MTRFR: variants seen among roughly 807,000 people sequenced by gnomAD.
The protein encoded by MTRFR is probable peptide chain release factor C12orf65, mitochondrial.
In MTRFR, 10 loss-of-function variants were observed where a neutral mutation model predicts 11.9. That is an observed-to-expected ratio of 0.84 (90% confidence interval 0.52 to 1.42). The LOEUF (loss-of-function observed/expected upper bound fraction) is 1.42. Ranked by LOEUF, MTRFR falls within the 40% of genes most tolerant of loss-of-function variation. The probability of loss-of-function intolerance (pLI) is 0.00; values close to 1 mark genes in which losing one functional copy is unlikely to be tolerated. For missense variants in MTRFR, 196 were observed against 197.9 expected, an observed-to-expected ratio of 0.99 and a Z score of 0.06; for synonymous variants, 77 against 79.1, an observed-to-expected ratio of 0.97 and a Z score of 0.14.
intron 1 of MTRFR, chr12:123,251,193 C>T (rs1030313741): frequency 2.6e-5 from 4 of 152,330 alleles, no homozygotes; most frequent in Non-Finnish European, 5.9e-5. Flanking sequence ...CGTGTTCCCC[C>T]ACAACTGCCC....
chr12:123,254,231 G>A, intron 2 of MTRFR: 1 of 465,382 alleles, frequency 2.1e-6, no homozygotes, highest in Non-Finnish European at 3.9e-6. Context: ...TTGGCAGACA[G>A]CACTGGTGCT....
intron 2 of MTRFR, among the ~76,000 whole-genome samples, chr12:123,256,106 C>CCAT (rs2048179520): frequency 6.6e-6 from 1 of 152,146 alleles, no homozygotes; most frequent in Non-Finnish European, 1.5e-5. Flanking sequence ...AAGGCACTCA[C>CCAT]CCTATAATAA....
At chr12:123,256,193 A>G (rs1052680747) in intron 2 of MTRFR, among the ~76,000 whole-genome samples, 1 of 152,250 alleles carries the variant, frequency 6.6e-6, no homozygotes, top group African/African-American at 2.4e-5. Context: ...ACAGAACTTT[A>G]TGCTTATGAA....
At chr12:123,233,775 C>T (rs889010739) in intron 1 of MTRFR, 11 of 152,396 alleles carry the variant, frequency 7.2e-5, no homozygotes, top group African/African-American at 2.2e-4. Context: ...TTCAGGCACT[C>T]AGGGCAGGGG....
intron 1 of MTRFR, among the ~76,000 whole-genome samples, chr12:123,244,954 T>TTTTTTTG (rs2138768943): frequency 1.4e-5 from 1 of 70,152 alleles, no homozygotes; most frequent in Admixed American, 2.0e-4. Context: ...TTTTTTTTTT[T>TTTTTTTG]TTTTTTAGAC....
rs768967998 is a variant in MTRFR, at chr12:123,253,661, G to A, written c.-14G>A. 6.2e-7 allele frequency: 1 copy of A among 1,614,132 alleles called. No homozygotes were observed. The highest frequency in any genetic ancestry group is 8.5e-7 in the Non-Finnish European group (1 of 1,180,036). On this transcript the variant is annotated 5_prime_UTR_variant, in exon 2 of 3. Coordinates refer to ENST00000253233, the MANE Select transcript of MTRFR (RefSeq NM_152269.5). ...ATCTAACCCAGGTCCTCAGCCAGCA[G>A]AGCCACGTTCCTTATGAGCACCGTG...
chr12:123,243,390 C>T (rs573069692), intron 1 of MTRFR, among the ~76,000 whole-genome samples: 55 of 152,226 alleles, frequency 3.6e-4, no homozygotes, highest in Admixed American at 2.0e-4. Context: ...ATTAGCCGGA[C>T]GTGGTGGCAG....
At chr12:123,239,960 C>T (rs2047905436) in intron 1 of MTRFR, among the ~76,000 whole-genome samples, 2 of 152,092 alleles carry the variant, frequency 1.3e-5, no homozygotes, top group Admixed American at 1.3e-4. Context: ...AAGCAATGAA[C>T]AGTCCTATGT....
At chr12:123,239,398 TTTTGTTTTTTTG>T (rs1165471754) in intron 1 of MTRFR, among the ~76,000 whole-genome samples, 1 of 79,952 alleles carries the variant, frequency 1.3e-5, no homozygotes, top group Admixed American at 1.5e-4. Context: ...GTAGCATTAG[TTTTGTTTTTTTG>T]TTTGTTTTTT....
chr12:123,238,859 T>G (rs572236152), intron 1 of MTRFR, among the ~76,000 whole-genome samples: 31 of 152,282 alleles, frequency 2.0e-4, no homozygotes, highest in African/African-American at 7.5e-4. Context: ...ATTCTAGAGC[T>G]ACATTGTCCC....
intron 1 of MTRFR, among the ~76,000 whole-genome samples, chr12:123,245,266 C>A (rs945754008): frequency 6.6e-6 from 1 of 152,130 alleles, no homozygotes; most frequent in African/African-American, 2.4e-5. Flanking sequence ...CAGTACCACG[C>A]TGTTTTGGTG....
intron 1 of MTRFR, among the ~76,000 whole-genome samples, chr12:123,246,761 C>T (rs569283264): frequency 2.9e-4 from 28 of 97,844 alleles, no homozygotes; most frequent in Admixed American, 8.9e-4. Flanking sequence ...GATGGAATCT[C>T]GCTCTGTCGC....
Position 123,256,811 on chromosome 12 carries a change from A to G in MTRFR, c.283-2A>G. The G allele has an allele frequency of 1.9e-6, 3 of 1,607,168 alleles. No homozygotes were observed. Among genetic ancestry groups the G allele is most frequent in the Non-Finnish European group, 2.6e-6 (3 of 1,173,690 alleles). ...CACATTATAAAATATTATCTCTTAC[A>G]GTGCCATCAGACAAGATCAGTTGAT... is the stretch of plus-strand genomic sequence containing the variant. On this transcript the variant is annotated splice_acceptor_variant, in intron 2 of 2. Coordinates refer to ENST00000253233, the MANE Select transcript of MTRFR (RefSeq NM_152269.5). LOFTEE classifies it high-confidence loss of function.
chr12:123,253,606 G>A (rs980702630), intron 1 of MTRFR, 41 bp from the exon 2 acceptor site: 13 of 1,588,298 alleles, frequency 8.2e-6, no homozygotes, highest in Non-Finnish European at 1.0e-5. Flanking sequence ...CTTGAGGGCA[G>A]ATGCCTCTTA....
rs766742941 is a variant in MTRFR at position 123,256,900 on chromosome 12, A to G, written c.370A>G (p.Asn124Asp). Residue 124 changes from asparagine to aspartate, a missense_variant, in exon 3 of 3, where the codon AAC (asparagine) becomes GAC (aspartate). By Grantham distance (23) the Asn-to-Asp change is conservative (BLOSUM62 1). Coordinates refer to ENST00000253233, the MANE Select transcript of MTRFR (RefSeq NM_152269.5). ...EKVDVFYNGE[N>D]SPVHKEKREA... The stretch of plus-strand genomic sequence containing the variant: ...AGTAGATGTTTTCTACAATGGTGAA[A>G]ACAGTCCTGTTCACAAAGAAAAACG... The G allele has an allele frequency of 3.1e-6, 5 of 1,613,958 alleles. No homozygotes were observed. The East Asian group carries it at 8.9e-5, about 29-fold the overall frequency.
intron 1 of MTRFR, among the ~76,000 whole-genome samples, chr12:123,234,272 CT>C (rs1325089225): frequency 2.0e-5 from 3 of 152,206 alleles, no homozygotes; most frequent in African/African-American, 7.2e-5. Context: ...GGCACTATCA[CT>C]TAGGCCTCCA....
intron 1 of MTRFR, among the ~76,000 whole-genome samples, chr12:123,246,848 A>G (rs2048050060): frequency 6.8e-6 from 1 of 148,130 alleles, no homozygotes; most frequent in Non-Finnish European, 1.5e-5. Flanking sequence ...CTCCTGCCTC[A>G]GCCTCCCCAG....
At chr12:123,234,222 T>C (rs528352728) in intron 1 of MTRFR, among the ~76,000 whole-genome samples, 86 of 152,298 alleles carry the variant, frequency 5.6e-4, no homozygotes, top group African/African-American at 2.0e-3. Flanking sequence ...CTACTCGATT[T>C]ACCTCCAGGA....
intron 2 of MTRFR, 32 bp downstream of exon 2, chr12:123,253,988 C>T (rs747850549): frequency 2.5e-6 from 4 of 1,611,780 alleles, no homozygotes; most frequent in Non-Finnish European, 3.4e-6. Flanking sequence ...AGGGGAGAGG[C>T]CCCGCCCAAG....
Sources: allele counts gnomAD v4.1 joint callset (sites outside exome capture counted in the v4.1 genomes callset), GRCh38; gene constraint gnomAD v4.1.1; transcripts MANE v1.5; gene names NCBI Gene and HGNC (gene_info 2026-07-23, HGNC 2026-07-21).